Variants in KCNC2 observed in about 807,000 individuals in gnomAD.
The protein encoded by KCNC2 is voltage-gated potassium channel KCNC2.
In KCNC2, 21 loss-of-function variants were observed where a neutral mutation model predicts 44.5. That is an observed-to-expected ratio of 0.47 (90% CI 0.33 to 0.68). The LOEUF is 0.68. KCNC2 is among the 30% of genes least tolerant of loss of function. KCNC2 has a pLI of 0.01. For synonymous variants in KCNC2, 391 were observed against 339.1 expected (o/e 1.15, Z -1.68); for missense variants, 589 against 826.2 (o/e 0.71, Z 3.52).
chr12:75,208,572 C>T (rs1482475182), intron 1 of KCNC2, among the ~76,000 whole-genome samples: 1 of 150,440 alleles, frequency 6.6e-6, no homozygotes, highest in Non-Finnish European at 1.5e-5. Context: ...GGTGAGAGCA[C>T]ACCCTCCCCC....
intron 4 of KCNC2, among the ~76,000 whole-genome samples, chr12:75,044,227 A>T (rs1041903821): frequency 7.9e-5 from 12 of 152,034 alleles, no homozygotes; most frequent in African/African-American, 2.7e-4. Flanking sequence ...ACTATTGACT[A>T]AAAAAGTAGT....
At chr12:75,126,181 G>A (rs974813461) in intron 2 of KCNC2, among the ~76,000 whole-genome samples, 7 of 152,058 alleles carry the variant, frequency 4.6e-5, no homozygotes, top group African/African-American at 1.4e-4. Flanking sequence ...AACCTAGGGC[G>A]ACATGAATTA....
intron 2 of KCNC2, among the ~76,000 whole-genome samples, chr12:75,174,841 G>A (rs1892071368): frequency 6.6e-6 from 1 of 151,912 alleles, no homozygotes; most frequent in South Asian, 2.1e-4. Flanking sequence ...ATTAACCATG[G>A]TTTTAACGCA....
At chr12:75,168,992 C>G (rs1045907289) in intron 2 of KCNC2, among the ~76,000 whole-genome samples, 1 of 151,416 alleles carries the variant, frequency 6.6e-6, no homozygotes, top group Admixed American at 6.6e-5. Flanking sequence ...GAAAGCCAGA[C>G]AGATGATGTT....
chr12:75,048,030 G>A, intron 4 of KCNC2, 123 bp downstream of exon 4: 1 of 802,526 alleles, frequency 1.2e-6, no homozygotes, highest in Non-Finnish European at 2.0e-6. Flanking sequence ...AATGAAGAGA[G>A]GAAAAGAGCA....
At chr12:75,179,600 A>C (rs79286832) in intron 2 of KCNC2, among the ~76,000 whole-genome samples, 129,710 of 129,712 alleles carry the variant, frequency 1, 64,854 homozygotes, top group Middle Eastern at 1. Context: ...AGGCATAAAA[A>C]TGTGTTTTAT....
chr12:75,044,130 T>A (rs946209834), intron 4 of KCNC2, among the ~76,000 whole-genome samples: 2 of 151,968 alleles, frequency 1.3e-5, no homozygotes, highest in African/African-American at 4.8e-5. Flanking sequence ...TATTTTAGTA[T>A]TTTTTATTAC....
chr12:75,083,978 A>C (rs1001740535), intron 2 of KCNC2, among the ~76,000 whole-genome samples: 1 of 151,954 alleles, frequency 6.6e-6, no homozygotes, highest in African/African-American at 2.4e-5. Context: ...GTGGATTGTG[A>C]AAGCACTGAT....
At chr12:75,063,397 T>C (rs1882531661) in intron 2 of KCNC2, among the ~76,000 whole-genome samples, 2 of 152,094 alleles carry the variant, frequency 1.3e-5, no homozygotes, top group East Asian at 1.9e-4. Flanking sequence ...TTGGATTGAA[T>C]TGATTCAATC....
At chr12:75,162,881 A>T (rs1891211222) in intron 2 of KCNC2, among the ~76,000 whole-genome samples, 2 of 151,720 alleles carry the variant, frequency 1.3e-5, no homozygotes, top group South Asian at 2.1e-4. Context: ...TTGACTAGAG[A>T]TCTAAAAGTC....
intron 2 of KCNC2, among the ~76,000 whole-genome samples, chr12:75,120,969 A>T (rs1172744088): frequency 6.6e-6 from 1 of 152,206 alleles, no homozygotes; most frequent in African/African-American, 2.4e-5. Flanking sequence ...TTCCCTCTGC[A>T]ACCAATATAG....
chr12:75,114,004 A>C lies in KCNC2; in HGVS notation c.688-62687T>G, dbSNP rs1159271390. Among the ~76,000 whole-genome samples the C allele has an allele frequency of 3.3e-5, 5 of 152,350 alleles. No individual in the cohort carries two copies. In the East Asian group the frequency reaches 5.8e-4, roughly 18 times the overall value. On this transcript the variant is annotated intron_variant, in intron 2 of 4. Coordinates refer to ENST00000549446, the MANE Select transcript of KCNC2 (RefSeq NM_139137.4). ...AACACACATACACATATATACACAC[A>C]CACACATTGTTATTGAAAGTTTAAT...
At chr12:75,195,496 C>T (rs1398104277) in intron 2 of KCNC2, among the ~76,000 whole-genome samples, 1 of 152,056 alleles carries the variant, frequency 6.6e-6, no homozygotes, top group Non-Finnish European at 1.5e-5. Flanking sequence ...TTTCTCTTGT[C>T]CCATAACACA....
At chr12:75,114,328 C>T (rs1229141704) in intron 2 of KCNC2, among the ~76,000 whole-genome samples, 2 of 152,272 alleles carry the variant, frequency 1.3e-5, no homozygotes, top group Non-Finnish European at 2.9e-5. Flanking sequence ...TCATTTTGTA[C>T]CCTATAGCAA....
intron 2 of KCNC2, among the ~76,000 whole-genome samples, chr12:75,071,690 G>A (rs550951464): frequency 2.6e-5 from 4 of 152,002 alleles, no homozygotes; most frequent in Non-Finnish European, 2.9e-5. Context: ...GGTGGCTCAC[G>A]CCTGTAATCC....
At chr12:75,065,203 T>C (rs1250644640) in intron 2 of KCNC2, among the ~76,000 whole-genome samples, 1 of 151,958 alleles carries the variant, frequency 6.6e-6, no homozygotes, top group Non-Finnish European at 1.5e-5. Context: ...CCTTGAAAAA[T>C]GGATTTCAAG....
chr12:75,140,562 G>T (rs149471258), intron 2 of KCNC2, among the ~76,000 whole-genome samples: 63 of 152,118 alleles, frequency 4.1e-4, no homozygotes, highest in African/African-American at 1.4e-3. Context: ...AAATTTGATT[G>T]ATTTAAATTT....
intron 2 of KCNC2, among the ~76,000 whole-genome samples, chr12:75,094,228 T>C (rs1348037158): frequency 6.6e-6 from 1 of 151,614 alleles, no homozygotes; most frequent in Non-Finnish European, 1.5e-5. Context: ...CATATACAAA[T>C]GATATATTAA....
rs1412895363 is a variant in KCNC2 at position 75,042,827 on chromosome 12, A to T, written c.*278T>A. The T allele has an allele frequency of 4.0e-6, 5 of 1,252,490 alleles. No homozygotes were observed. The highest frequency in any genetic ancestry group is 4.0e-6 in the Non-Finnish European group (4 of 996,470). 77.6% of individuals were successfully genotyped at this position (1,252,490 alleles called of 1,614,324 possible). A position where few individuals can be genotyped will look rare whatever the true frequency, so the allele number is the denominator to read the frequency against. The stretch of plus-strand genomic sequence containing the variant: ...TGAAGGTATGTTTATATATTAGTGC[A>T]CTGGTCAATATCTGACACTATCTGT... On this transcript the variant is annotated 3_prime_UTR_variant, in exon 5 of 5. Transcript: ENST00000549446.
Sources: allele counts gnomAD v4.1 joint callset (sites outside exome capture counted in the v4.1 genomes callset), GRCh38; gene constraint gnomAD v4.1.1; transcripts MANE v1.5; gene names NCBI Gene and HGNC (gene_info 2026-07-23, HGNC 2026-07-21).